SCN9A: variants seen among roughly 807,000 people sequenced by gnomAD.
SCN9A encodes the protein sodium channel protein type 9 subunit alpha.
In SCN9A, 131 loss-of-function variants were observed where a neutral mutation model predicts 187.0. The ratio of observed to expected loss-of-function variants is 0.70; its 90% confidence interval spans 0.61 to 0.81. The LOEUF is 0.81. SCN9A is among the 30% of genes least tolerant of loss of function. The probability of loss-of-function intolerance (pLI) is 0.00; values close to 1 mark genes in which losing one functional copy is unlikely to be tolerated. For missense variants in SCN9A, 2,252 were observed against 2,396.6 expected (o/e 0.94, Z 1.26); for synonymous variants, 809 against 808.6 (o/e 1.00, Z -0.01).
In SCN9A at chr2:166,198,918, T is replaced by C. The variant is rs774751626; in HGVS notation, c.5721A>G (p.Gln1907=). The C allele has an allele frequency of 1.2e-6, 2 of 1,613,994 alleles. No homozygotes were observed. Among genetic ancestry groups the C allele is most frequent in the Non-Finnish European group, 1.7e-6 (2 of 1,179,872 alleles). The change falls in exon 27 of 27, where the codon CAA becomes CAG. Residue 1907 remains glutamine (Q), a synonymous_variant. Coordinates refer to ENST00000642356, the MANE Select transcript of SCN9A (RefSeq NM_001365536.1). ...QRAYRRYRLR[Q]NVKNISSIYI... ...ATATACTTGATATATTTTTGACATT[T>C]TGCCTTAAGCGGTAACGTCTATAAG...
intron 1 of SCN9A, among the ~76,000 whole-genome samples, chr2:166,333,035 A>G (rs1699544569): frequency 1.3e-5 from 2 of 151,592 alleles, no homozygotes; most frequent in Admixed American, 1.3e-4. Flanking sequence ...AAGAAATATA[A>G]ATAGTATAAT....
chr2:166,341,410 A>C (rs1434135878), intron 1 of SCN9A, among the ~76,000 whole-genome samples: 1 of 152,252 alleles, frequency 6.6e-6, no homozygotes, highest in East Asian at 1.9e-4. Context: ...AGCTATGACC[A>C]GAAGTCAGGC....
chr2:166,220,301 C>A (rs1694527204), intron 24 of SCN9A, among the ~76,000 whole-genome samples: 1 of 152,168 alleles, frequency 6.6e-6, no homozygotes, highest in South Asian at 2.1e-4. Flanking sequence ...CCCTCCAAAG[C>A]TCATGTTGCA....
intron 23 of SCN9A, 150 bp downstream of exon 23, chr2:166,227,520 T>C (rs897361239): frequency 3.2e-6 from 2 of 630,230 alleles, no homozygotes; most frequent in Non-Finnish European, 5.7e-6. Flanking sequence ...CCAACTGCTG[T>C]ACTCACAACC....
At chr2:166,259,285 C>A (rs926579000) in intron 17 of SCN9A, 1 of 151,646 alleles carries the variant, frequency 6.6e-6, no homozygotes, top group Admixed American at 6.6e-5. Context: ...TTTGATATTA[C>A]CCCTGTGAGA....
intron 14 of SCN9A, 68 bp from the exon 15 acceptor site, chr2:166,278,381 C>A: frequency 7.8e-7 from 1 of 1,289,446 alleles, no homozygotes; most frequent in South Asian, 1.4e-5. Flanking sequence ...TGATAATAAT[C>A]ACTGTTTGCT....
intron 1 of SCN9A, among the ~76,000 whole-genome samples, chr2:166,324,567 G>GAATCAGAAC (rs1699319681): frequency 1.3e-5 from 2 of 152,042 alleles, no homozygotes; most frequent in Admixed American, 1.3e-4. Context: ...AGGCACCATA[G>GAATCAGAAC]AATCAGAACA....
intron 7 of SCN9A, among the ~76,000 whole-genome samples, chr2:166,299,274 A>T (rs1698454286): frequency 6.6e-6 from 1 of 151,024 alleles, no homozygotes; most frequent in Non-Finnish European, 1.5e-5. Context: ...TTCTTGGGAG[A>T]ATTGTCTACA....
chr2:166,286,770 A>C, intron 10 of SCN9A, 147 bp from the exon 11 acceptor site: 1 of 547,596 alleles, frequency 1.8e-6, no homozygotes, highest in Non-Finnish European at 2.9e-6. Context: ...TCTTTACACA[A>C]TGATCAGAAT....
chr2:166,351,770 T>C (rs571880265), intron 1 of SCN9A, among the ~76,000 whole-genome samples: 60 of 152,220 alleles, frequency 3.9e-4, no homozygotes, highest in Middle Eastern at 3.4e-3. Flanking sequence ...TAGAACAGAT[T>C]TTTTTTCCCC....
chr2:166,363,254 G>A (rs560344389), intron 1 of SCN9A, among the ~76,000 whole-genome samples: 119 of 152,056 alleles, frequency 7.8e-4, no homozygotes, highest in African/African-American at 2.8e-3. Flanking sequence ...CTACTTGACC[G>A]TTGAGAAAAC....
At chr2:166,324,271 C>A (rs112867239) in intron 1 of SCN9A, among the ~76,000 whole-genome samples, 1 of 151,490 alleles carries the variant, frequency 6.6e-6, no homozygotes, top group Non-Finnish European at 1.5e-5. Flanking sequence ...CCAGCCTGAA[C>A]CAGAGAGCGG....
At chr2:166,236,702 C>G (rs539553082) in intron 20 of SCN9A, among the ~76,000 whole-genome samples, 1 of 152,136 alleles carries the variant, frequency 6.6e-6, no homozygotes, top group African/African-American at 2.4e-5. Context: ...GGATTACAGG[C>G]GTGAGCTACC....
At chr2:166,207,332 G>A (rs532933485) in intron 24 of SCN9A, among the ~76,000 whole-genome samples, 3 of 151,858 alleles carry the variant, frequency 2.0e-5, no homozygotes, top group African/African-American at 4.8e-5. Flanking sequence ...TTTTTTAATT[G>A]TTTGCTATTG....
chr2:166,248,669 ATTTG>A (rs1320744717), intron 18 of SCN9A, among the ~76,000 whole-genome samples: 2 of 151,924 alleles, frequency 1.3e-5, no homozygotes, highest in African/African-American at 4.8e-5. Flanking sequence ...CATTTGTTTT[ATTTG>A]TTTGTTTGTT....
rs747362082 is a variant in SCN9A, at chr2:166,306,595, A to AT, written c.381dup (p.Phe128IlefsTer20). 6.4e-6 allele frequency: 10 copies of AT among 1,567,938 alleles called. No homozygotes were observed. Among genetic ancestry groups the AT allele is most frequent in the Non-Finnish European group, 4.3e-6 (5 of 1,151,748 alleles). ...ATAGTGCACATGATGAGCATGCTGAATAAGGTAGCTTAGAATCAAGGAACA... is the reference window on the plus strand; with the variant it reads ...ATAGTGCACATGATGAGCATGCTGAATTAAGGTAGCTTAGAATCAAGGAACA... On this transcript the variant is annotated frameshift_variant, in exon 4 of 27. Coordinates refer to ENST00000642356, the MANE Select transcript of SCN9A (RefSeq NM_001365536.1). LOFTEE classifies it high-confidence loss of function.
At chr2:166,241,832 C>T (rs1695578227) in intron 19 of SCN9A, among the ~76,000 whole-genome samples, 1 of 152,094 alleles carries the variant, frequency 6.6e-6, no homozygotes, top group African/African-American at 2.4e-5. Context: ...TTTATCTTTG[C>T]ATTGTGAAAG....
At chr2:166,273,619 T>C (rs549433467) in intron 16 of SCN9A, among the ~76,000 whole-genome samples, 1 of 152,074 alleles carries the variant, frequency 6.6e-6, no homozygotes, top group Non-Finnish European at 1.5e-5. Context: ...GTTAATTATT[T>C]TTTTTTCTCA....
chr2:166,221,204 A>G (rs1694570519), intron 24 of SCN9A, among the ~76,000 whole-genome samples: 1 of 152,194 alleles, frequency 6.6e-6, no homozygotes, highest in South Asian at 2.1e-4. Context: ...GAATTAAATG[A>G]CTTAATATTG....
Sources: allele counts gnomAD v4.1 joint callset (sites outside exome capture counted in the v4.1 genomes callset), GRCh38; gene constraint gnomAD v4.1.1; transcripts MANE v1.5; gene names NCBI Gene and HGNC (gene_info 2026-07-23, HGNC 2026-07-21).